PRRC2C: variants seen among roughly 807,000 people sequenced by gnomAD.
The protein encoded by PRRC2C is proline rich coiled-coil 2C, also known as protein PRRC2C.
In PRRC2C, 72 loss-of-function variants were observed where a neutral mutation model predicts 317.2. The observed-to-expected ratio is 0.23, with a 90% CI of 0.19 to 0.28. The LOEUF is 0.28. Among genes scored for constraint, PRRC2C ranks in the 10% least tolerant of loss-of-function variants. The pLI, the probability that PRRC2C is intolerant of heterozygous loss-of-function variation, is 1.00. For synonymous variants in PRRC2C, 1,296 were observed against 1,205.9 expected (o/e 1.07, Z -1.55); for missense variants, 3,074 against 3,459.7 (o/e 0.89, Z 2.80).
chr1:171,557,748 C>T lies in PRRC2C; in HGVS notation c.5636C>T (p.Ala1879Val). 1 of 1,551,258 alleles carries T rather than the reference C, an allele frequency of 6.4e-7. No homozygotes were observed. The highest frequency in any genetic ancestry group is 8.7e-7 in the Non-Finnish European group (1 of 1,146,686). The change falls in exon 19 of 35, where the codon GCC becomes GTC. Residue 1879 changes from alanine (A) to valine (V), a missense_variant. By Grantham distance (64) the Ala-to-Val change is moderately conservative (BLOSUM62 0). Coordinates refer to ENST00000647382, the MANE Select transcript of PRRC2C (RefSeq NM_001387844.1). ...ALASTSAPTP[A>V]PAASSPAAPV... ...GCATCAACTTCAGCTCCAACGCCAG[C>T]CCCAGCAGCCTCTTCCCCAGCTGCC... is the stretch of plus-strand genomic sequence containing the variant.
At chr1:171,555,041 A>G (rs1225843188) in intron 18 of PRRC2C, among the ~76,000 whole-genome samples, 2 of 152,192 alleles carry the variant, frequency 1.3e-5, no homozygotes, top group Admixed American at 1.3e-4. Flanking sequence ...CTCCTGGATA[A>G]TATCCGGAAG....
intron 1 of PRRC2C, among the ~76,000 whole-genome samples, chr1:171,503,481 G>A (rs543328976): frequency 3.9e-4 from 59 of 151,182 alleles, no homozygotes; most frequent in African/African-American, 1.0e-3. Flanking sequence ...CCAGGATCGC[G>A]CCACTGCACT....
At position 171,584,458 on chromosome 1, in the gene PRRC2C, G is replaced by C; in HGVS notation, c.7681G>C (p.Gly2561Arg). 1 of 1,591,700 alleles carries C rather than the reference G, an allele frequency of 6.3e-7. No individual in the cohort carries two copies. The highest frequency in any genetic ancestry group is 2.3e-5 in the East Asian group (1 of 43,974). ...TACCCAGGCCTCAAATCTTTATTCT[G>C]GACAAGTACAACAGCCTGGTCAGAC... Reference protein sequence around the residue: ...NLTQASNLYSGQVQQPGQTNF... With the variant: ...NLTQASNLYSRQVQQPGQTNF... Residue 2561 changes from glycine (G) to arginine (R), a missense_variant, in exon 30 of 35, where the codon GGA becomes CGA. Around this residue, in one of 11 missense-constraint regions of PRRC2C, gnomAD observed 490 missense variants for 663.1 expected, o/e 0.74. Transcript: ENST00000647382.
In PRRC2C at chr1:171,541,535, C is replaced by A; in HGVS notation, c.4069C>A (p.Pro1357Thr). 4 of 1,613,482 alleles carry A rather than the reference C, an allele frequency of 2.5e-6. No individual in the cohort carries two copies. The highest frequency in any genetic ancestry group is 3.4e-6 in the Non-Finnish European group (4 of 1,179,744). The change falls in exon 16 of 35, where the codon CCT becomes ACT. Residue 1357 changes from proline (P) to threonine (T), a missense_variant. Coordinates refer to ENST00000647382, the MANE Select transcript of PRRC2C (RefSeq NM_001387844.1). This position sits in a 1 kb window ranked among gnomAD's most constrained non-coding sequence, Gnocchi z 4.1. ...AACATTCAGGCGTGGTGGAAGGGAT[C>A]CTGGAGGCCGTCCATCACGCCCTTC... ...GGTFRRGGRD[P>T]GGRPSRPSTL...
intron 2 of PRRC2C, chr1:171,512,487 G>A: frequency 5.7e-6 from 2 of 348,742 alleles, no homozygotes; most frequent in East Asian, 1.4e-4. Context: ...CAATGAGATT[G>A]ATAGGCACAG....
At position 171,553,578 on chromosome 1, in the gene PRRC2C, C is replaced by T. The variant is rs191288092; in HGVS notation, c.5127+3338C>T. 4.7e-4 allele frequency among the ~76,000 whole-genome samples: 71 copies of T among 152,274 alleles called. No homozygotes were observed. The East Asian group carries it at 0.012, about 26-fold the overall frequency. On this transcript the variant is annotated intron_variant, in intron 18 of 34. Transcript: ENST00000647382. The stretch of plus-strand genomic sequence containing the variant: ...TGATGTTAGGGTATCAATTTCAGAT[C>T]TTTCCTGCTTTCTCTTTTGGGCACT...
At chr1:171,538,424 G>A (rs1677270608) in intron 15 of PRRC2C, among the ~76,000 whole-genome samples, 1 of 152,168 alleles carries the variant, frequency 6.6e-6, no homozygotes. Context: ...AAGATAAGGA[G>A]AAATACAATA....
rs1676983660 is a variant in PRRC2C, at chr1:171,537,135, GA to G, written c.2294-121del. 14 of 700,930 alleles carry G rather than the reference GA, an allele frequency of 2.0e-5. No homozygotes were observed. The South Asian group carries it at 2.4e-4, about 12-fold the overall frequency. The allele number at this position is 700,930 out of a possible 1,614,324, so 43.4% of individuals were successfully genotyped here. A position where few individuals can be genotyped will look rare whatever the true frequency, so the allele number is the denominator to read the frequency against. The stretch of plus-strand genomic sequence containing the variant: ...TAATTTCCACCAATCTTTTACTCAG[GA>G]AAAAAATGCTTTTAATATGGAGAAT... On this transcript the variant is annotated intron_variant, in intron 14 of 34. Transcript: ENST00000647382.
intron 1 of PRRC2C, among the ~76,000 whole-genome samples, chr1:171,503,792 C>T (rs1459331062): frequency 3.3e-5 from 5 of 152,170 alleles, no homozygotes; most frequent in African/African-American, 9.6e-5. Context: ...ACTCACAGTT[C>T]CACATGGCTG....
At chr1:171,550,965 T>C (rs1337866679) in intron 18 of PRRC2C, among the ~76,000 whole-genome samples, 1 of 152,184 alleles carries the variant, frequency 6.6e-6, no homozygotes, top group African/African-American at 2.4e-5. Flanking sequence ...TGATTTATAA[T>C]CCTTTGGGTA....
intron 24 of PRRC2C, among the ~76,000 whole-genome samples, chr1:171,573,550 C>T (rs983250502): frequency 6.7e-6 from 1 of 150,182 alleles, no homozygotes; most frequent in African/African-American, 2.4e-5. Context: ...AGATTTTTCT[C>T]AAATATAAAA....
chr1:171,565,689 G>A (rs1298515166), intron 20 of PRRC2C, among the ~76,000 whole-genome samples: 1 of 152,058 alleles, frequency 6.6e-6, no homozygotes, highest in Non-Finnish European at 1.5e-5. Context: ...CTCATCATCC[G>A]CCCACCTAGG....
rs578104994 is a variant in PRRC2C at position 171,577,716 on chromosome 1, C to G, written c.7159+79C>G. The stretch of plus-strand genomic sequence containing the variant: ...ATGCTTATTTTTGTCTCTTCTTACC[C>G]TTTCAGCTAAGCATAAGGCTCTTAA... On this transcript the variant is annotated intron_variant, in intron 26 of 34. Transcript: ENST00000647382. 43 of 1,292,636 alleles carry G rather than the reference C, an allele frequency of 3.3e-5. No homozygotes were observed. The African/African-American group carries it at 3.8e-4, about 11-fold the overall frequency. 80.1% of individuals were successfully genotyped at this position (1,292,636 alleles called of 1,614,324 possible).
At position 171,537,480 on chromosome 1, in the gene PRRC2C, A is replaced by C. The variant is rs1473399565; in HGVS notation, c.2504+7A>C. On this transcript the variant is annotated splice_region_variant and intron_variant, in intron 15 of 34. Transcript: ENST00000647382. Reference sequence around the variant, plus strand: ...AAGAGCCTGAGGATGTAAGGTAATAAATTATTTCAATTTAATAGATGATAC... The same window carrying C: ...AAGAGCCTGAGGATGTAAGGTAATACATTATTTCAATTTAATAGATGATAC... 4 of 1,547,836 alleles carry C rather than the reference A, an allele frequency of 2.6e-6. No homozygotes were observed. The highest frequency in any genetic ancestry group is 2.6e-6 in the Non-Finnish European group (3 of 1,142,620).
chr1:171,558,322 CATATT>C lies in PRRC2C; in HGVS notation c.6031+185_6031+189del, dbSNP rs915683428. 7.2e-4 allele frequency among the ~76,000 whole-genome samples: 110 copies of C among 152,110 alleles called. 1 individual carries two copies. Among genetic ancestry groups the C allele is most frequent in the African/African-American group, 2.4e-3 (99 of 41,494 alleles). ...TTTTGTTTTAAGCATGTTTAACAAGCATATTATATTTTATGGAAATAATTTTGTGT... is the reference window on the plus strand; with the variant it reads ...TTTTGTTTTAAGCATGTTTAACAAGCATATTTTATGGAAATAATTTTGTGT... On this transcript the variant is annotated intron_variant, in intron 19 of 34. Coordinates refer to ENST00000647382, the MANE Select transcript of PRRC2C (RefSeq NM_001387844.1).
Position 171,591,997 on chromosome 1 carries a change from C to A in PRRC2C, c.*150C>A. On this transcript the variant is annotated 3_prime_UTR_variant, in exon 35 of 35. Transcript: ENST00000647382. ...GTACAAGGGACATAGGAGCAATTTA[C>A]ACTGACACACAGCTGCTGTACCAGT... The A allele has an allele frequency of 2.1e-6, 2 of 971,534 alleles. No individual in the cohort carries two copies. Among genetic ancestry groups the A allele is most frequent in the Non-Finnish European group, 1.5e-6 (1 of 653,932 alleles). 60.2% of individuals were successfully genotyped at this position (971,534 alleles called of 1,614,324 possible).
At chr1:171,551,381 A>G (rs1033276904) in intron 18 of PRRC2C, among the ~76,000 whole-genome samples, 3 of 152,100 alleles carry the variant, frequency 2.0e-5, no homozygotes, top group South Asian at 2.1e-4. Flanking sequence ...AGATGAGTAG[A>G]TTGCAAAAAT....
intron 17 of PRRC2C, 53 bp downstream of exon 17, chr1:171,545,740 T>TTC: frequency 2.3e-6 from 2 of 874,480 alleles, no homozygotes; most frequent in Admixed American, 4.9e-5. Context: ...TTTATTTATT[T>TTC]ATTTATTTGC....
At chr1:171,487,972 T>C (rs1372694260) in intron 1 of PRRC2C, among the ~76,000 whole-genome samples, 3 of 152,222 alleles carry the variant, frequency 2.0e-5, no homozygotes, top group African/African-American at 7.2e-5. Flanking sequence ...ATCCCTGGGA[T>C]GAGTATCTTG....
Sources: allele counts gnomAD v4.1 joint callset (sites outside exome capture counted in the v4.1 genomes callset), GRCh38; gene constraint gnomAD v4.1.1; regional missense constraint gnomAD v4.1.1; non-coding constraint Gnocchi (gnomAD v3.1); transcripts MANE v1.5; gene names NCBI Gene and HGNC (gene_info 2026-07-23, HGNC 2026-07-21).